TMPRSS6: variants seen among roughly 807,000 people sequenced by gnomAD.
TMPRSS6 encodes the protein transmembrane protease serine 6.
Under a neutral mutation model 101.5 loss-of-function variants are expected in TMPRSS6, and 67 were observed. The observed-to-expected ratio is 0.66, with a 90% CI of 0.54 to 0.81. TMPRSS6 has a LOEUF of 0.81. Ranked by LOEUF, TMPRSS6 falls within the 30% of genes least tolerant of loss-of-function variation. The pLI is 0.00. For missense variants in TMPRSS6, 1,034 were observed against 1,088.7 expected (o/e 0.95, Z 0.71); for synonymous variants, 453 against 464.9 (o/e 0.97, Z 0.33).
intron 10 of TMPRSS6, among the ~76,000 whole-genome samples, chr22:37,075,897 C>T (rs973339065): frequency 2.3e-5 from 3 of 131,330 alleles, no homozygotes; most frequent in Non-Finnish European, 3.1e-5. Flanking sequence ...AACGAAAGTA[C>T]GTCAAAAAAA....
intron 1 of TMPRSS6, among the ~76,000 whole-genome samples, chr22:37,107,970 TTAAA>T (rs1930818665): frequency 6.6e-6 from 1 of 152,182 alleles, no homozygotes; most frequent in Non-Finnish European, 1.5e-5. Context: ...TCAGTAATTG[TTAAA>T]TGAATGAATG....
At chr22:37,075,426 G>T in intron 10 of TMPRSS6, 146 bp from the exon 11 acceptor site, 1 of 1,090,822 alleles carries the variant, frequency 9.2e-7, no homozygotes, top group Non-Finnish European at 1.3e-6. Context: ...CCTTAGATGA[G>T]TGCACCCCCA....
chr22:37,080,930 ACACG>A (rs1306209258), intron 10 of TMPRSS6, among the ~76,000 whole-genome samples: 1 of 152,282 alleles, frequency 6.6e-6, no homozygotes, highest in African/African-American at 2.4e-5. Flanking sequence ...ACATGCACGT[ACACG>A]TGCACAGACA....
chr22:37,072,491 T>TGATGGAG (rs1927125663), intron 13 of TMPRSS6, among the ~76,000 whole-genome samples: 1 of 115,292 alleles, frequency 8.7e-6, no homozygotes, highest in African/African-American at 3.5e-5. Context: ...GGATGATGGA[T>TGATGGAG]GATGGATGGA....
At chr22:37,076,232 G>A (rs529333030) in intron 10 of TMPRSS6, among the ~76,000 whole-genome samples, 5 of 152,190 alleles carry the variant, frequency 3.3e-5, no homozygotes, top group Non-Finnish European at 7.4e-5. Context: ...GGACGAGGGG[G>A]CAGCAGTGCT....
intron 2 of TMPRSS6, among the ~76,000 whole-genome samples, chr22:37,099,038 A>G (rs921786007): frequency 2.0e-5 from 3 of 152,244 alleles, no homozygotes; most frequent in Non-Finnish European, 4.4e-5. Flanking sequence ...TGGGTAAGAA[A>G]GGCGTGGCTC....
At chr22:37,106,324 G>T (rs1037114310) in intron 1 of TMPRSS6, among the ~76,000 whole-genome samples, 3 of 152,086 alleles carry the variant, frequency 2.0e-5, no homozygotes, top group African/African-American at 7.2e-5. Flanking sequence ...GGAGCAGGTC[G>T]TGGGTCCATT....
At chr22:37,076,399 C>T (rs2146072152) in intron 10 of TMPRSS6, among the ~76,000 whole-genome samples, 1 of 152,290 alleles carries the variant, frequency 6.6e-6, no homozygotes, top group South Asian at 2.1e-4. Flanking sequence ...GTGGGAGCAC[C>T]CTCACATCCC....
chr22:37,070,642 G>A lies in TMPRSS6; in HGVS notation c.1683C>T (p.Leu561=), dbSNP rs1926807938. The change falls in exon 15 of 18, where the codon CTC becomes CTT. Residue 561 remains leucine, a synonymous_variant. Transcript: ENST00000676104. ...CAACAATGCGGCTGGAGGGGCCCTG[G>A]AGGCCACAGTCTGGGGATGGGGGCA... The part of the protein sequence containing the change: ...GSDEEHCDCG[L]QGPSSRIVGG... 2 of 1,612,960 alleles carry A rather than the reference G, an allele frequency of 1.2e-6. No homozygotes were observed. Among genetic ancestry groups the A allele is most frequent in the Non-Finnish European group, 8.5e-7 (1 of 1,179,934 alleles).
Position 37,098,426 on chromosome 22 carries a change from G to T in TMPRSS6, c.326C>A (p.Ala109Asp), listed in dbSNP as rs267607121. Residue 109 changes from alanine to aspartate, a missense_variant, in exon 3 of 18, where the codon GCC becomes GAC. Coordinates refer to ENST00000676104, the MANE Select transcript of TMPRSS6 (RefSeq NM_001374504.1). ...SSAFRSETAK[A>D]QKMLKELITS... Reference sequence around the variant, plus strand: ...CAGATCCTTTCCTACCATCTTCTGGGCTTTGGCGGTTTCACTGCGGAAGGC... The same window carrying T: ...CAGATCCTTTCCTACCATCTTCTGGTCTTTGGCGGTTTCACTGCGGAAGGC... 2 of 1,613,864 alleles carry T rather than the reference G, an allele frequency of 1.2e-6. No individual in the cohort carries two copies. Among genetic ancestry groups the T allele is most frequent in the Non-Finnish European group, 1.7e-6 (2 of 1,179,998 alleles).
intron 12 of TMPRSS6, among the ~76,000 whole-genome samples, chr22:37,074,094 A>G (rs1040024951): frequency 7.9e-5 from 12 of 152,182 alleles, no homozygotes; most frequent in Admixed American, 7.9e-4. Context: ...CAACCCTGTG[A>G]GATACCCCAT....
chr22:37,078,770 GAGAAGGAGGAGGAGAAGAAGA>G (rs1402267472), intron 10 of TMPRSS6, among the ~76,000 whole-genome samples: 4 of 28,476 alleles, frequency 1.4e-4, no homozygotes, highest in African/African-American at 5.3e-4. Context: ...AGAGAATGAG[GAGAAGGAGGAGGAGAAGAAGA>G]AGGAGGAGGA....
chr22:37,089,321 A>G (rs1266884315), intron 7 of TMPRSS6, among the ~76,000 whole-genome samples: 1 of 152,092 alleles, frequency 6.6e-6, no homozygotes, highest in Admixed American at 6.5e-5. Flanking sequence ...CCCAGAGCTG[A>G]CTTCAGGAGT....
chr22:37,097,853 A>G (rs1290923297), intron 3 of TMPRSS6, among the ~76,000 whole-genome samples: 1 of 116,068 alleles, frequency 8.6e-6, no homozygotes, highest in Admixed American at 8.7e-5. Flanking sequence ...AGAGCGGGCC[A>G]CCGTCCTGTA....
rs41283231 is a variant in TMPRSS6, at chr22:37,066,269, C to T, written c.2251-31G>A. ...AGGGGGAAAGGAGAAAGGACTGAAGCAGGGTAAGGGCACCCCCTTTTCCAG... is the reference window on the plus strand; with the variant it reads ...AGGGGGAAAGGAGAAAGGACTGAAGTAGGGTAAGGGCACCCCCTTTTCCAG... On this transcript the variant is annotated intron_variant, in intron 17 of 17. Transcript: ENST00000676104. 4,313 of 1,583,904 alleles carry T rather than the reference C, an allele frequency of 2.7e-3. 7 individuals carry two copies. Among genetic ancestry groups the T allele is most frequent in the Non-Finnish European group, 3.5e-3 (4,024 of 1,163,830 alleles).
intron 6 of TMPRSS6, among the ~76,000 whole-genome samples, chr22:37,090,346 G>A (rs2146128108): frequency 6.6e-6 from 1 of 152,346 alleles, no homozygotes. Flanking sequence ...GACATGGGCT[G>A]GCTTGGACCA....
rs1408823284 is a variant in TMPRSS6, at chr22:37,096,851, CG to C, written c.337-137del. The C allele has an allele frequency of 8.0e-6, 7 of 876,118 alleles. No individual in the cohort carries two copies. The African/African-American group carries it at 1.0e-4, about 12-fold the overall frequency. 54.3% of individuals were successfully genotyped at this position (876,118 alleles called of 1,614,324 possible). A position where few individuals can be genotyped will look rare whatever the true frequency, so the allele number is the denominator to read the frequency against. On this transcript the variant is annotated intron_variant, in intron 3 of 17. Transcript: ENST00000676104. ...TCTCCAAGGTGGACAGGCTTGATCACGGTCACACAGTGCTGAGTGGCCGGGC... is the reference window on the plus strand; with the variant it reads ...TCTCCAAGGTGGACAGGCTTGATCACGTCACACAGTGCTGAGTGGCCGGGC...
chr22:37,067,031 A>AT, intron 16 of TMPRSS6, 69 bp from the exon 17 acceptor site: 1 of 1,559,406 alleles, frequency 6.4e-7, no homozygotes, highest in Non-Finnish European at 8.8e-7. Flanking sequence ...TCTCCCTAAC[A>AT]TTATTCCCTT....
At position 37,069,340 on chromosome 22, in the gene TMPRSS6, C is replaced by G. The variant is rs918680730; in HGVS notation, c.1846G>C (p.Ala616Pro). 1 of 635,736 alleles carries G rather than the reference C, an allele frequency of 1.6e-6. No individual in the cohort carries two copies. The highest frequency in any genetic ancestry group is 7.5e-5 in the East Asian group (1 of 13,408). The allele number at this position is 635,736 out of a possible 1,614,324, so 39.4% of individuals were successfully genotyped here. The change falls in exon 16 of 18, where the codon GCC becomes CCC. Residue 616 changes from alanine (A) to proline (P), a missense_variant. Transcript: ENST00000676104. The surrounding 1 kb of genome is among the most constrained non-coding windows in gnomAD (Gnocchi z 4.8). ...AAHCFQEDSM[A>P]STVLWTVFLG... The stretch of plus-strand genomic sequence containing the variant: ...AACACGGTCCACAGCACCGTGGAGG[C>G]CATGCTGGGGTGGGGTGGGGTGGGG...
Sources: allele counts gnomAD v4.1 joint callset (sites outside exome capture counted in the v4.1 genomes callset), GRCh38; gene constraint gnomAD v4.1.1; non-coding constraint Gnocchi (gnomAD v3.1); transcripts MANE v1.5; gene names NCBI Gene and HGNC (gene_info 2026-07-23, HGNC 2026-07-21).